The following DLG2 variants were observed in gnomAD, a reference collection of about 807,000 sequenced individuals.
DLG2 encodes disks large homolog 2.
In DLG2, 45 loss-of-function variants were observed where a neutral mutation model predicts 132.5. The ratio of observed to expected loss-of-function variants is 0.34; its 90% CI spans 0.27 to 0.44. The LOEUF (loss-of-function observed/expected upper bound fraction) is 0.44, where lower values mean the gene tolerates loss of function less well. DLG2 is among the 20% of genes least tolerant of loss of function. DLG2 has a pLI of 1.00. For missense variants in DLG2, 1,045 were observed against 1,196.9 expected, an observed-to-expected ratio of 0.87 and a Z score of 1.87; for synonymous variants, 424 against 419.6, an observed-to-expected ratio of 1.01 and a Z score of -0.13.
intron 6 of DLG2, among the ~76,000 whole-genome samples, chr11:84,983,389 T>C (rs940988168): frequency 2.6e-5 from 4 of 151,998 alleles, no homozygotes; most frequent in Non-Finnish European, 4.4e-5. Context: ...AGAAGAGAGA[T>C]AGCAATCACT....
intron 4 of DLG2, among the ~76,000 whole-genome samples, chr11:85,206,892 A>AT (rs1049668541): frequency 1.4e-4 from 21 of 152,086 alleles, no homozygotes; most frequent in Non-Finnish European, 2.6e-4. Flanking sequence ...CATCACATGT[A>AT]TTTTTTGTCA....
intron 6 of DLG2, among the ~76,000 whole-genome samples, chr11:84,795,921 C>T (rs778688502): frequency 2.6e-5 from 4 of 152,210 alleles, no homozygotes; most frequent in Non-Finnish European, 4.4e-5. Context: ...GCTGCCCTCC[C>T]CACCACAGCT....
chr11:84,315,851 A>G (rs551983155), intron 7 of DLG2, among the ~76,000 whole-genome samples: 173 of 152,224 alleles, frequency 1.1e-3, no homozygotes, highest in South Asian at 4.6e-3. Flanking sequence ...TATTCTCTGC[A>G]CCTGTCACCA....
chr11:85,401,333 G>A (rs185738834), intron 3 of DLG2, among the ~76,000 whole-genome samples: 21 of 152,142 alleles, frequency 1.4e-4, no homozygotes, highest in African/African-American at 4.1e-4. Flanking sequence ...TTGATGGAAC[G>A]TATCTCAAAA....
At chr11:85,398,675 T>G (rs541265981) in intron 3 of DLG2, among the ~76,000 whole-genome samples, 1 of 152,248 alleles carries the variant, frequency 6.6e-6, no homozygotes, top group Admixed American at 6.5e-5. Flanking sequence ...CTAGAAAATC[T>G]AGAAGAAATG....
chr11:84,696,266 T>C (rs574037112), intron 6 of DLG2, among the ~76,000 whole-genome samples: 1 of 151,638 alleles, frequency 6.6e-6, no homozygotes, highest in South Asian at 2.1e-4. Context: ...CTATTTGCCA[T>C]GCACTGTGCT....
chr11:85,109,845 A>C (rs2072421322), intron 6 of DLG2, among the ~76,000 whole-genome samples: 1 of 152,136 alleles, frequency 6.6e-6, no homozygotes, highest in Non-Finnish European at 1.5e-5. Flanking sequence ...TCTTAGGAGA[A>C]AAGTGTTAAA....
intron 9 of DLG2, among the ~76,000 whole-genome samples, chr11:84,107,130 G>C (rs899608263): frequency 6.6e-6 from 1 of 151,782 alleles, no homozygotes; most frequent in East Asian, 1.9e-4. Context: ...TTAGTCTAAA[G>C]GAAAGAAGCC....
chr11:85,150,256 G>C (rs971129981), intron 5 of DLG2, among the ~76,000 whole-genome samples: 5 of 151,838 alleles, frequency 3.3e-5, no homozygotes, highest in Admixed American at 2.6e-4. Flanking sequence ...TCCTGACCTC[G>C]TGATCCGCCC....
intron 6 of DLG2, among the ~76,000 whole-genome samples, chr11:84,925,899 T>C (rs1257944823): frequency 1.3e-5 from 2 of 152,118 alleles, no homozygotes; most frequent in Non-Finnish European, 2.9e-5. Context: ...AAAACACAGA[T>C]TTGATTTTGC....
At chr11:84,031,973 A>G (rs2095708417) in intron 11 of DLG2, among the ~76,000 whole-genome samples, 1 of 152,134 alleles carries the variant, frequency 6.6e-6, no homozygotes, top group Non-Finnish European at 1.5e-5. Context: ...TACTATCACA[A>G]TAGTTTTGGG....
chr11:85,553,057 G>T (rs566885940), intron 3 of DLG2, among the ~76,000 whole-genome samples: 1 of 151,690 alleles, frequency 6.6e-6, no homozygotes, highest in South Asian at 2.1e-4. Flanking sequence ...ACAATTACAT[G>T]GAGAATGCCC....
chr11:83,510,830 G>T (rs950740939), intron 21 of DLG2, among the ~76,000 whole-genome samples: 20 of 88,776 alleles, frequency 2.3e-4, no homozygotes, highest in Admixed American at 2.9e-4. Context: ...TGAACCATCC[G>T]TTTTTTTTTT....
chr11:84,611,024 TACACACACACACAC>T (rs10587472), intron 6 of DLG2, among the ~76,000 whole-genome samples: 20 of 138,116 alleles, frequency 1.4e-4, no homozygotes, highest in African/African-American at 3.0e-4. Flanking sequence ...TTAGATGACA[TACACACACACACAC>T]ACACACACAC....
intron 3 of DLG2, among the ~76,000 whole-genome samples, chr11:85,554,782 A>T (rs2076845873): frequency 6.6e-6 from 1 of 151,700 alleles, no homozygotes; most frequent in Non-Finnish European, 1.5e-5. Flanking sequence ...CCTATAGGTA[A>T]CACCCTATTT....
At chr11:84,702,637 C>T (rs952606304) in intron 6 of DLG2, among the ~76,000 whole-genome samples, 1 of 151,574 alleles carries the variant, frequency 6.6e-6, no homozygotes, top group African/African-American at 2.4e-5. Flanking sequence ...TCTTTGTGAC[C>T]TTTCTAATTC....
intron 6 of DLG2, among the ~76,000 whole-genome samples, chr11:84,705,203 T>C (rs1362454514): frequency 6.6e-6 from 1 of 151,616 alleles, no homozygotes; most frequent in African/African-American, 2.4e-5. Flanking sequence ...AATTCTAACG[T>C]AGTTGGGATG....
intron 6 of DLG2, among the ~76,000 whole-genome samples, chr11:84,843,450 C>T (rs2080968388): frequency 2.0e-5 from 3 of 151,652 alleles, no homozygotes; most frequent in Admixed American, 1.3e-4. Flanking sequence ...ACATATTCCC[C>T]AGAATGTACT....
chr11:84,398,593 C>T (rs17147287), intron 7 of DLG2, among the ~76,000 whole-genome samples: 8,006 of 152,246 alleles, frequency 0.053, 718 homozygotes, highest in African/African-American at 0.18. Context: ...ATTAAAACCT[C>T]TGTTCATGTT....
Sources: allele counts gnomAD v4.1 joint callset (sites outside exome capture counted in the v4.1 genomes callset), GRCh38; gene constraint gnomAD v4.1.1; transcripts MANE v1.5; gene names NCBI Gene and HGNC (gene_info 2026-07-23, HGNC 2026-07-21).